Variants in TENM3 observed in about 807,000 individuals in gnomAD.
The protein encoded by TENM3 is teneurin-3.
In TENM3, 63 loss-of-function variants were observed where a neutral mutation model predicts 255.1. The ratio of observed to expected loss-of-function variants is 0.25; its 90% confidence interval spans 0.20 to 0.30. The LOEUF is 0.30. Ranked by LOEUF, TENM3 falls within the 10% of genes least tolerant of loss-of-function variation. TENM3 has a pLI of 1.00. For missense variants in TENM3, 2,929 were observed against 3,461.1 expected (o/e 0.85, Z 3.86); for synonymous variants, 1,306 against 1,322.3 (o/e 0.99, Z 0.27).
chr4:182,526,771 C>A (rs1739233362), intron 3 of TENM3, among the ~76,000 whole-genome samples: 1 of 152,312 alleles, frequency 6.6e-6, no homozygotes, highest in South Asian at 2.1e-4. Context: ...ACGGATTTAG[C>A]ATGGTAGTAC....
At chr4:182,738,117 C>G (rs1761313440) in intron 17 of TENM3, among the ~76,000 whole-genome samples, 1 of 152,058 alleles carries the variant, frequency 6.6e-6, no homozygotes. Context: ...ACCGGCTGCC[C>G]AATCTGGACT....
the TENM3 span, among the ~76,000 whole-genome samples, chr4:181,605,571 AGAGAGAAAGAAAG>A: frequency 8.2e-4 from 24 of 29,158 alleles, 2 homozygotes; most frequent in Non-Finnish European, 1.6e-3. Flanking sequence ...AGAAAGAAAG[AGAGAGAAAGAAAG>A]GAAAGAAAGA....
intron 3 of TENM3, among the ~76,000 whole-genome samples, chr4:182,361,853 T>C (rs543657083): frequency 4.6e-5 from 7 of 152,294 alleles, no homozygotes; most frequent in Admixed American, 1.3e-4. Flanking sequence ...TGGTTTTATC[T>C]ACTTTTGGTC....
the TENM3 span, among the ~76,000 whole-genome samples, chr4:181,791,077 G>A: frequency 3.9e-5 from 6 of 152,178 alleles, no homozygotes; most frequent in African/African-American, 1.4e-4. Context: ...GAGTGAACCA[G>A]TTTCCCTGAG....
At chr4:182,265,791 A>C (rs992043576) in intron 1 of TENM3, among the ~76,000 whole-genome samples, 3 of 152,238 alleles carry the variant, frequency 2.0e-5, no homozygotes, top group Admixed American at 2.0e-4. Flanking sequence ...TAAGTGCTTA[A>C]ATCAGATATT....
chr4:182,786,034 A>G (rs1404889245), intron 24 of TENM3, among the ~76,000 whole-genome samples: 1 of 152,236 alleles, frequency 6.6e-6, no homozygotes, highest in Admixed American at 6.5e-5. Flanking sequence ...GAATTTGGGA[A>G]AAAACATAGC....
At chr4:182,752,336 G>A (rs1347568289) in intron 20 of TENM3, among the ~76,000 whole-genome samples, 1 of 152,070 alleles carries the variant, frequency 6.6e-6, no homozygotes, top group East Asian at 1.9e-4. Flanking sequence ...GCCACATCCT[G>A]TTCAACTTCA....
At chr4:181,992,086 G>C in the TENM3 span, among the ~76,000 whole-genome samples, 20 of 152,128 alleles carry the variant, frequency 1.3e-4, no homozygotes, top group African/African-American at 4.3e-4. Context: ...AGGAAAAATC[G>C]ATAGGGCATG....
the TENM3 span, among the ~76,000 whole-genome samples, chr4:182,103,393 A>G: frequency 6.6e-6 from 1 of 152,276 alleles, no homozygotes; most frequent in Non-Finnish European, 1.5e-5. Context: ...AAGTTCAGAA[A>G]AACAGAATTT....
At chr4:182,215,871 T>C (rs1755430275) in intron 1 of TENM3, among the ~76,000 whole-genome samples, 1 of 152,222 alleles carries the variant, frequency 6.6e-6, no homozygotes, top group Admixed American at 6.5e-5. Flanking sequence ...TGAACTGTTT[T>C]CAGGACTCCC....
chr4:181,647,369 T>C, the TENM3 span, among the ~76,000 whole-genome samples: 2 of 152,168 alleles, frequency 1.3e-5, no homozygotes, highest in African/African-American at 4.8e-5. Flanking sequence ...GTTTTGAGAA[T>C]TGGGTAAAAA....
At chr4:182,392,109 T>C (rs1768467947) in intron 3 of TENM3, among the ~76,000 whole-genome samples, 1 of 152,226 alleles carries the variant, frequency 6.6e-6, no homozygotes, top group African/African-American at 2.4e-5. Flanking sequence ...CTATTTTATC[T>C]ATAATGTTCT....
the TENM3 span, among the ~76,000 whole-genome samples, chr4:181,546,114 G>T: frequency 1.3e-5 from 2 of 152,176 alleles, no homozygotes; most frequent in Non-Finnish European, 2.9e-5. Context: ...CTTATGCATT[G>T]AGTGCAAATC....
intron 1 of TENM3, among the ~76,000 whole-genome samples, chr4:182,296,618 T>C (rs181550992): frequency 4.8e-4 from 73 of 152,338 alleles, no homozygotes; most frequent in African/African-American, 1.8e-3. Flanking sequence ...CTCAGAGACC[T>C]CCTGTTTTGA....
At chr4:182,227,419 T>C (rs1756236389) in intron 1 of TENM3, among the ~76,000 whole-genome samples, 2 of 151,980 alleles carry the variant, frequency 1.3e-5, no homozygotes, top group Non-Finnish European at 2.9e-5. Flanking sequence ...GATTACCTCT[T>C]ATTGGCCAGT....
chr4:181,553,505 G>C, the TENM3 span, among the ~76,000 whole-genome samples: 124 of 151,926 alleles, frequency 8.2e-4, no homozygotes, highest in Non-Finnish European at 1.5e-3. Flanking sequence ...GCAGGGGCGC[G>C]ATCTCGGCTC....
the TENM3 span, among the ~76,000 whole-genome samples, chr4:181,765,308 G>T: frequency 6.6e-6 from 1 of 152,130 alleles, no homozygotes; most frequent in African/African-American, 2.4e-5. Flanking sequence ...TAAAAAGCAG[G>T]ATCTGTGATG....
At chr4:182,564,740 A>G (rs1179208890) in intron 3 of TENM3, among the ~76,000 whole-genome samples, 1 of 152,208 alleles carries the variant, frequency 6.6e-6, no homozygotes, top group African/African-American at 2.4e-5. Flanking sequence ...AAAGAAAGGC[A>G]TCAATACGTG....
In TENM3 at chr4:182,586,763, T is replaced by C. The variant is rs540763798; in HGVS notation, c.512-14161T>C. On this transcript the variant is annotated intron_variant, in intron 3 of 27. Coordinates refer to ENST00000511685, the MANE Select transcript of TENM3 (RefSeq NM_001080477.4). ...TGTCATACTATGACTGGAAGGACAC[T>C]TAAATGAATATTTGATTTGACTTTG... 2.0e-5 allele frequency among the ~76,000 whole-genome samples: 3 copies of C among 152,308 alleles called. No homozygotes were observed. The East Asian group carries it at 5.8e-4, about 29-fold the overall frequency.
Sources: gnomAD v4.1 joint callset for allele counts (sites outside exome capture counted in the v4.1 genomes callset) on GRCh38, gnomAD v4.1.1 for gene constraint, MANE v1.5 for transcripts, NCBI Gene and HGNC (gene_info 2026-07-23, HGNC 2026-07-21) for gene names.